WDR88: variants seen among roughly 807,000 people sequenced by gnomAD.
WDR88 encodes WD repeat domain 88.
Under a neutral mutation model 46.8 loss-of-function variants are expected in WDR88, and 40 were observed. The observed-to-expected ratio is 0.86, with a 90% CI of 0.66 to 1.11. The LOEUF (loss-of-function observed/expected upper bound fraction) is 1.11. Ranked by LOEUF, WDR88 falls within the 50% of genes most tolerant of loss-of-function variation. WDR88 has a pLI of 0.00. For missense variants in WDR88, 562 were observed against 602.4 expected (o/e 0.93, Z 0.70); for synonymous variants, 235 against 240.7 (o/e 0.98, Z 0.22).
intron 10 of WDR88, chr19:33,174,050 C>T (rs1312882492): frequency 2.3e-6 from 2 of 875,362 alleles, no homozygotes; most frequent in East Asian, 2.8e-5. Flanking sequence ...CGGGGTTTCA[C>T]CATGTTGGCC....
intron 10 of WDR88, 50 bp from the exon 11 acceptor site, chr19:33,175,346 C>A: frequency 6.3e-7 from 1 of 1,575,016 alleles, no homozygotes; most frequent in South Asian, 1.1e-5. Context: ...ATGCCTGGAT[C>A]ACCTCTGACC....
intron 2 of WDR88, 92 bp from the exon 3 acceptor site, chr19:33,144,752 G>A (rs961903943): frequency 8.4e-7 from 1 of 1,185,504 alleles, no homozygotes; most frequent in African/African-American, 1.5e-5. Flanking sequence ...TGCTACCAGA[G>A]ATAAGCTAAG....
chr19:33,144,833 G>A lies in WDR88; in HGVS notation c.388-11G>A, dbSNP rs758837217. On this transcript the variant is annotated splice_polypyrimidine_tract_variant and intron_variant, in intron 2 of 10. Transcript: ENST00000355868. ...ACCACTCTCTTCTCCTCTCTCTCCC[G>A]TTGATTTGAGGATCCGGTGGACGGT... 8 of 1,612,518 alleles carry A rather than the reference G, an allele frequency of 5.0e-6. No homozygotes were observed. The highest frequency in any genetic ancestry group is 2.7e-5 in the African/African-American group (2 of 74,842).
chr19:33,170,046 T>G (rs937169090), intron 9 of WDR88, among the ~76,000 whole-genome samples: 5 of 151,652 alleles, frequency 3.3e-5, no homozygotes, highest in Admixed American at 2.0e-4. Context: ...CCTGGCTAAT[T>G]TTGTATTTTT....
At chr19:33,141,810 A>G (rs1176905666) in intron 2 of WDR88, among the ~76,000 whole-genome samples, 1 of 152,008 alleles carries the variant, frequency 6.6e-6, no homozygotes, top group Non-Finnish European at 1.5e-5. Flanking sequence ...CCTCCCAAGT[A>G]GCTGGGATTA....
At chr19:33,151,098 C>T in intron 5 of WDR88, 83 bp from the exon 6 acceptor site, 4 of 1,486,312 alleles carry the variant, frequency 2.7e-6, no homozygotes, top group Non-Finnish European at 3.7e-6. Context: ...TTGTAATCGT[C>T]ACTGGCTGGG....
chr19:33,166,503 G>A (rs1271590936), intron 9 of WDR88, among the ~76,000 whole-genome samples: 4 of 152,078 alleles, frequency 2.6e-5, no homozygotes, highest in Non-Finnish European at 5.9e-5. Context: ...AGGCTGAGAT[G>A]GGAGGAATGC....
intron 8 of WDR88, among the ~76,000 whole-genome samples, chr19:33,162,192 G>A (rs58232007): frequency 0.023 from 3,547 of 152,130 alleles, 148 homozygotes; most frequent in African/African-American, 0.082. Flanking sequence ...TCTGCTCTGA[G>A]CTGTTTTTTT....
intron 6 of WDR88, among the ~76,000 whole-genome samples, chr19:33,155,642 T>G (rs1451850731): frequency 4.6e-5 from 7 of 152,208 alleles, no homozygotes; most frequent in Admixed American, 1.3e-4. Context: ...GGAGAGAGCC[T>G]CTGTGTAAGC....
At chr19:33,137,815 G>C (rs772763433) in intron 2 of WDR88, 28 bp downstream of exon 2, 2 of 1,599,634 alleles carry the variant, frequency 1.3e-6, no homozygotes, top group South Asian at 2.2e-5. Flanking sequence ...AGGTACTCCT[G>C]GAGCGAAAAC....
intron 7 of WDR88, 33 bp downstream of exon 7, chr19:33,156,575 C>T: frequency 6.3e-7 from 1 of 1,594,700 alleles, no homozygotes; most frequent in Non-Finnish European, 8.5e-7. Context: ...GCCTCCATTC[C>T]TGTGGGAGTG....
chr19:33,167,007 T>C (rs1236810286), intron 9 of WDR88, among the ~76,000 whole-genome samples: 1 of 152,056 alleles, frequency 6.6e-6, no homozygotes, highest in Non-Finnish European at 1.5e-5. Context: ...ACAAATAAAA[T>C]AGGATTGATT....
At position 33,132,397 on chromosome 19, in the gene WDR88, C is replaced by A; in HGVS notation, c.228C>A (p.His76Gln). 1 of 1,614,128 alleles carries A rather than the reference C, an allele frequency of 6.2e-7. No individual in the cohort carries two copies. The highest frequency in any genetic ancestry group is 8.5e-7 in the Non-Finnish European group (1 of 1,180,022). The change falls in exon 1 of 11, where the codon CAC becomes CAA. Residue 76 changes from histidine (H) to glutamine (Q), a missense_variant. Physicochemically the swap from His to Gln is conservative, Grantham distance 24. Coordinates refer to ENST00000355868, the MANE Select transcript of WDR88 (RefSeq NM_173479.4). ...EPPPHLLPEK[H>Q]QVPEKLIWGD... Reference sequence around the variant, plus strand: ...CACCGCATCTGTTGCCTGAGAAGCACCAGGTGCCGGAGAAATTGATCTGGG... The same window carrying A: ...CACCGCATCTGTTGCCTGAGAAGCAACAGGTGCCGGAGAAATTGATCTGGG...
intron 2 of WDR88, among the ~76,000 whole-genome samples, chr19:33,144,470 G>A (rs555096809): frequency 2.0e-3 from 308 of 152,240 alleles, no homozygotes; most frequent in African/African-American, 7.2e-3. Context: ...AAAGTGCTGG[G>A]ATTACAGTCG....
intron 9 of WDR88, among the ~76,000 whole-genome samples, chr19:33,171,259 T>A (rs1478786157): frequency 6.6e-6 from 1 of 152,226 alleles, no homozygotes; most frequent in Admixed American, 6.5e-5. Flanking sequence ...GTGCTGGGAT[T>A]ACTGGTGTGA....
At chr19:33,160,113 T>C (rs1285689331) in intron 7 of WDR88, among the ~76,000 whole-genome samples, 1 of 152,162 alleles carries the variant, frequency 6.6e-6, no homozygotes, top group Non-Finnish European at 1.5e-5. Context: ...TAAATACAGA[T>C]GAAGCTTTGG....
chr19:33,157,601 A>G (rs1186282976), intron 7 of WDR88, among the ~76,000 whole-genome samples: 1 of 144,260 alleles, frequency 6.9e-6, no homozygotes, highest in African/African-American at 2.5e-5. Context: ...ATGTGTATAT[A>G]TGTATATATA....
rs1974112570 is a variant in WDR88 at position 33,175,752 on chromosome 19, T to G, written c.*180T>G. ...CCTCCTCAGCTCTCAGCTTGGGGAG[T>G]GAACACTTTCCGTTTTCATGCAGAA... is the stretch of plus-strand genomic sequence containing the variant. On this transcript the variant is annotated 3_prime_UTR_variant, in exon 11 of 11. Transcript: ENST00000355868. 1 of 632,360 alleles carries G rather than the reference T, an allele frequency of 1.6e-6. No homozygotes were observed. Among genetic ancestry groups the G allele is most frequent in the African/African-American group, 1.8e-5 (1 of 54,368 alleles). 39.2% of individuals were successfully genotyped at this position (632,360 alleles called of 1,614,324 possible). A position where few individuals can be genotyped will look rare whatever the true frequency, so the allele number is the denominator to read the frequency against.
chr19:33,134,164 G>A (rs546868242), intron 1 of WDR88, among the ~76,000 whole-genome samples: 5 of 152,210 alleles, frequency 3.3e-5, no homozygotes, highest in Admixed American at 6.5e-5. Flanking sequence ...CAGCCCCTGG[G>A]ACCCCTTTAC....
Sources: gnomAD v4.1 joint callset for allele counts (sites outside exome capture counted in the v4.1 genomes callset) on GRCh38, gnomAD v4.1.1 for gene constraint, MANE v1.5 for transcripts, NCBI Gene and HGNC (gene_info 2026-07-23, HGNC 2026-07-21) for gene names.